COL25A1: variants seen among roughly 807,000 people sequenced by gnomAD.
The protein encoded by COL25A1 is collagen type XXV alpha 1 chain.
A neutral mutation model predicts 128.4 loss-of-function variants in COL25A1; 103 were observed. The observed-to-expected ratio is 0.80, with a 90% CI of 0.68 to 0.94. The LOEUF (loss-of-function observed/expected upper bound fraction) is 0.94. COL25A1 is among the 40% of genes least tolerant of loss of function. COL25A1 has a pLI of 0.00. For missense variants in COL25A1, 745 were observed against 840.0 expected, an observed-to-expected ratio of 0.89 and a Z score of 1.40; for synonymous variants, 279 against 277.2, an observed-to-expected ratio of 1.01 and a Z score of -0.06.
chr4:109,237,999 T>C (rs1779584314), intron 3 of COL25A1, among the ~76,000 whole-genome samples: 4 of 152,116 alleles, frequency 2.6e-5, no homozygotes, highest in Admixed American at 2.6e-4. Context: ...AGAATATCTT[T>C]TCTTTTTTAA....
At chr4:108,969,254 C>T (rs1466839581) in intron 8 of COL25A1, among the ~76,000 whole-genome samples, 2 of 152,156 alleles carry the variant, frequency 1.3e-5, no homozygotes, top group East Asian at 3.9e-4. Context: ...CTGTGTGACA[C>T]AACCTAGCCA....
At chr4:108,911,756 G>A (rs1744246589) in intron 13 of COL25A1, among the ~76,000 whole-genome samples, 1 of 150,244 alleles carries the variant, frequency 6.7e-6, no homozygotes, top group South Asian at 2.1e-4. Flanking sequence ...ATAGAAAATA[G>A]TGGATTTCAT....
chr4:109,277,143 A>C (rs1002315277), intron 3 of COL25A1, among the ~76,000 whole-genome samples: 12 of 152,202 alleles, frequency 7.9e-5, no homozygotes, highest in African/African-American at 2.9e-4. Context: ...ACTTTGCTCC[A>C]GGAACAATAT....
chr4:108,980,102 G>A (rs1752824397), intron 6 of COL25A1, among the ~76,000 whole-genome samples: 1 of 152,196 alleles, frequency 6.6e-6, no homozygotes, highest in African/African-American at 2.4e-5. Context: ...TAAAAGGCTG[G>A]TTAACCACAC....
chr4:109,021,076 G>A (rs1316360374), intron 5 of COL25A1, among the ~76,000 whole-genome samples: 1 of 152,188 alleles, frequency 6.6e-6, no homozygotes, highest in East Asian at 1.9e-4. Context: ...CAGCCACTCA[G>A]TCACATAGGT....
intron 3 of COL25A1, among the ~76,000 whole-genome samples, chr4:109,099,863 T>C (rs761918060): frequency 6.6e-6 from 1 of 152,136 alleles, no homozygotes; most frequent in Non-Finnish European, 1.5e-5. Context: ...TTAAAACTAT[T>C]TGAACTGCTA....
chr4:108,872,609 G>A (rs1180250050), intron 19 of COL25A1, among the ~76,000 whole-genome samples: 3 of 151,814 alleles, frequency 2.0e-5, no homozygotes, highest in South Asian at 4.2e-4. Context: ...ATACTTCAAC[G>A]AAAACAACAA....
chr4:109,125,391 T>C (rs1490352738), intron 3 of COL25A1, among the ~76,000 whole-genome samples: 1 of 152,186 alleles, frequency 6.6e-6, no homozygotes, highest in East Asian at 1.9e-4. Context: ...AACTGTGTGC[T>C]AAATACAGCT....
At chr4:108,886,457 TGTGTGTGTGTGTGTGTG>T (rs1369681919) in intron 18 of COL25A1, among the ~76,000 whole-genome samples, 5 of 109,538 alleles carry the variant, frequency 4.6e-5, no homozygotes, top group African/African-American at 1.6e-4. Flanking sequence ...TGTGTGTGTG[TGTGTGTGTGTGTGTGTG>T]TGTGTGTGTG....
intron 6 of COL25A1, among the ~76,000 whole-genome samples, chr4:108,995,683 G>A (rs1754699383): frequency 1.3e-5 from 2 of 152,140 alleles, no homozygotes; most frequent in Admixed American, 1.3e-4. Context: ...CACCAAGGTT[G>A]AAATGAACGA....
At chr4:109,277,821 T>C (rs1393638395) in intron 3 of COL25A1, among the ~76,000 whole-genome samples, 1 of 152,176 alleles carries the variant, frequency 6.6e-6, no homozygotes, top group East Asian at 1.9e-4. Flanking sequence ...TAATTTCCCA[T>C]TTCTAGAACT....
chr4:109,119,256 G>T (rs1723119075), intron 3 of COL25A1, among the ~76,000 whole-genome samples: 1 of 151,778 alleles, frequency 6.6e-6, no homozygotes, highest in South Asian at 2.1e-4. Context: ...TATTAGAAAA[G>T]AAGAAATATC....
chr4:109,091,423 G>A (rs1358781949), intron 3 of COL25A1, among the ~76,000 whole-genome samples: 1 of 152,114 alleles, frequency 6.6e-6, no homozygotes, highest in East Asian at 1.9e-4. Flanking sequence ...GACAACAATT[G>A]TCTATACAAT....
intron 13 of COL25A1, among the ~76,000 whole-genome samples, chr4:108,906,185 T>C (rs1401921304): frequency 1.3e-5 from 2 of 152,176 alleles, no homozygotes; most frequent in East Asian, 3.9e-4. Context: ...ATCTGACCCC[T>C]GCTGCTCCTC....
chr4:109,156,452 C>G (rs1772044100), intron 3 of COL25A1, among the ~76,000 whole-genome samples: 1 of 152,196 alleles, frequency 6.6e-6, no homozygotes, highest in Non-Finnish European at 1.5e-5. Flanking sequence ...ATGTTTAATT[C>G]TTAGTGGTCA....
chr4:108,976,325 C>T (rs1041195116), intron 6 of COL25A1, among the ~76,000 whole-genome samples: 1 of 152,176 alleles, frequency 6.6e-6, no homozygotes, highest in Admixed American at 6.6e-5. Flanking sequence ...TAACCAAACA[C>T]CATTTCTTGA....
rs58157157 is a variant in COL25A1 at position 108,886,492 on chromosome 4, G to GTGTTTTTTT, written c.976-2271_976-2270insAAAAAAACA. Among the ~76,000 whole-genome samples the GTGTTTTTTT allele has an allele frequency of 2.7e-5, 3 of 109,248 alleles. 1 individual carries two copies. The highest frequency in any genetic ancestry group is 2.5e-4 in the East Asian group (1 of 4,064). 71.7% of individuals were successfully genotyped at this position (109,248 alleles called of 152,430 possible). Reference sequence around the variant, plus strand: ...TGTGTGTGTGTGTGTGTGTGTGTGTGTTTAGCTCATCAGCTATTTTATGTG... The same window carrying GTGTTTTTTT: ...TGTGTGTGTGTGTGTGTGTGTGTGTGTGTTTTTTTTTTAGCTCATCAGCTATTTTATGTG... On this transcript the variant is annotated intron_variant, in intron 18 of 37. Transcript: ENST00000399132.
chr4:108,887,116 T>C (rs992088721), intron 18 of COL25A1, among the ~76,000 whole-genome samples: 1 of 152,168 alleles, frequency 6.6e-6, no homozygotes, highest in African/African-American at 2.4e-5. Context: ...CTCTCGAGGC[T>C]ATAAAAGAAA....
At chr4:109,208,707 A>G (rs7667763) in intron 3 of COL25A1, among the ~76,000 whole-genome samples, 75,564 of 151,946 alleles carry the variant, frequency 0.5, 21,583 homozygotes, top group Non-Finnish European at 0.65. Context: ...TTTAGAGAGG[A>G]GGCACACATA....
Sources: gnomAD v4.1 joint callset for allele counts (sites outside exome capture counted in the v4.1 genomes callset) on GRCh38, gnomAD v4.1.1 for gene constraint, MANE v1.5 for transcripts, NCBI Gene and HGNC (gene_info 2026-07-23, HGNC 2026-07-21) for gene names.